The following PLEKHA5 variants were observed in gnomAD, a reference collection of about 807,000 sequenced individuals.
The protein encoded by PLEKHA5 is pleckstrin homology domain containing A5.
Under a neutral mutation model 181.9 loss-of-function variants are expected in PLEKHA5, and 55 were observed. The observed-to-expected ratio is 0.30, with a 90% confidence interval of 0.24 to 0.38. The LOEUF is 0.38. Among genes scored for constraint, PLEKHA5 ranks in the 10% least tolerant of loss-of-function variants. The pLI is 1.00. For synonymous variants in PLEKHA5, 535 were observed against 529.4 expected (o/e 1.01, Z -0.15); for missense variants, 1,432 against 1,549.5 (o/e 0.92, Z 1.27).
intron 15 of PLEKHA5, among the ~76,000 whole-genome samples, chr12:19,313,687 T>C (rs894234188): frequency 6.6e-6 from 1 of 152,238 alleles, no homozygotes; most frequent in African/African-American, 2.4e-5. Context: ...AAATTTTTAA[T>C]TGGGATATTG....
At chr12:19,222,465 C>T (rs1051853236) in intron 3 of PLEKHA5, among the ~76,000 whole-genome samples, 1 of 152,122 alleles carries the variant, frequency 6.6e-6, no homozygotes, top group Non-Finnish European at 1.5e-5. Context: ...GGACGCCTCA[C>T]ACTCACCATC....
intron 3 of PLEKHA5, among the ~76,000 whole-genome samples, chr12:19,228,049 C>A (rs2059932297): frequency 6.6e-6 from 1 of 152,174 alleles, no homozygotes; most frequent in South Asian, 2.1e-4. Flanking sequence ...GTGGTGGGTC[C>A]TTAGTATAAG....
intron 3 of PLEKHA5, among the ~76,000 whole-genome samples, chr12:19,247,009 A>G (rs1332818830): frequency 6.6e-6 from 1 of 152,112 alleles, no homozygotes; most frequent in Non-Finnish European, 1.5e-5. Flanking sequence ...TGAAATGTGC[A>G]CTTTATGCGT....
chr12:19,265,897 G>A, intron 8 of PLEKHA5, 47 bp downstream of exon 8: 5 of 970,506 alleles, frequency 5.2e-6, no homozygotes, highest in Non-Finnish European at 4.9e-6. Context: ...AACTTGCGTT[G>A]GTTAAAATGG....
intron 29 of PLEKHA5, among the ~76,000 whole-genome samples, chr12:19,365,309 T>A (rs2095392378): frequency 6.7e-6 from 1 of 149,072 alleles, no homozygotes; most frequent in Non-Finnish European, 1.5e-5. Context: ...GAGCTTGCAG[T>A]GAGCCTAGAT....
intron 3 of PLEKHA5, among the ~76,000 whole-genome samples, chr12:19,190,438 A>G (rs1041906926): frequency 1.3e-4 from 20 of 152,338 alleles, no homozygotes; most frequent in Middle Eastern, 3.4e-3. Context: ...GAAGGCTGAG[A>G]GATAACTGAT....
chr12:19,361,727 A>G, intron 29 of PLEKHA5, 21 bp downstream of exon 29: 1 of 1,583,900 alleles, frequency 6.3e-7, no homozygotes, highest in South Asian at 1.2e-5. Flanking sequence ...AGAAAAGCAA[A>G]GGAATCATTC....
chr12:19,263,123 A>C (rs1344791419), intron 7 of PLEKHA5, among the ~76,000 whole-genome samples: 1 of 152,206 alleles, frequency 6.6e-6, no homozygotes, highest in Non-Finnish European at 1.5e-5. Context: ...AAGAAATATT[A>C]GATTTTAAAT....
intron 28 of PLEKHA5, 95 bp downstream of exon 28, chr12:19,359,641 G>A: frequency 8.1e-7 from 1 of 1,231,754 alleles, no homozygotes; most frequent in Non-Finnish European, 1.2e-6. Context: ...GTTTCTTTCA[G>A]TCACAGAGTC....
At chr12:19,350,927 A>T in intron 25 of PLEKHA5, among the ~76,000 whole-genome samples, 1 of 145,040 alleles carries the variant, frequency 6.9e-6, no homozygotes. Context: ...TTTCTTTCTC[A>T]TCCTAATCCT....
chr12:19,190,218 A>G (rs376061766), intron 3 of PLEKHA5, among the ~76,000 whole-genome samples: 1 of 152,178 alleles, frequency 6.6e-6, no homozygotes, highest in East Asian at 1.9e-4. Flanking sequence ...TGGTAATTAT[A>G]TTTTCAGGGA....
intron 13 of PLEKHA5, among the ~76,000 whole-genome samples, chr12:19,289,691 A>T (rs977595492): frequency 7.9e-5 from 12 of 152,200 alleles, no homozygotes; most frequent in African/African-American, 2.9e-4. Flanking sequence ...TTTGGATCAC[A>T]GTCACCAATC....
At chr12:19,352,076 CA>C (rs1188985121) in intron 25 of PLEKHA5, among the ~76,000 whole-genome samples, 425 of 39,860 alleles carry the variant, frequency 0.011, 2 homozygotes, top group African/African-American at 0.023. Context: ...AACTCCATCT[CA>C]AAAAAAAAAA....
chr12:19,272,292 CAA>C (rs1472341156), intron 10 of PLEKHA5, among the ~76,000 whole-genome samples: 1 of 152,096 alleles, frequency 6.6e-6, no homozygotes, highest in African/African-American at 2.4e-5. Flanking sequence ...AATTAGATCA[CAA>C]GTTTTATATT....
At chr12:19,331,389 A>T (rs1468047675) in intron 20 of PLEKHA5, among the ~76,000 whole-genome samples, 1 of 152,130 alleles carries the variant, frequency 6.6e-6, no homozygotes, top group Non-Finnish European at 1.5e-5. Context: ...TTTTTTGTAG[A>T]GATGAGATCT....
chr12:19,255,681 T>A (rs2066680937), intron 5 of PLEKHA5, among the ~76,000 whole-genome samples: 1 of 151,674 alleles, frequency 6.6e-6, no homozygotes, highest in African/African-American at 2.4e-5. Context: ...GTAAAATAAA[T>A]CCAACAGGCT....
At chr12:19,279,046 A>G (rs1363307540) in intron 11 of PLEKHA5, among the ~76,000 whole-genome samples, 1 of 152,300 alleles carries the variant, frequency 6.6e-6, no homozygotes, top group Non-Finnish European at 1.5e-5. Context: ...TGATGAAATC[A>G]TCTTCTAGAT....
Position 19,345,864 on chromosome 12 carries a change from C to T in PLEKHA5, c.2685C>T (p.Phe895=). The T allele has an allele frequency of 6.7e-7, 1 of 1,489,450 alleles. No homozygotes were observed. Among genetic ancestry groups the T allele is most frequent in the South Asian group, 1.2e-5 (1 of 86,252 alleles). 92.3% of individuals were successfully genotyped at this position (1,489,450 alleles called of 1,614,324 possible). The change falls in exon 23 of 32, where the codon TTC becomes TTT. Residue 895 remains phenylalanine (F), a synonymous_variant. Coordinates refer to ENST00000429027, the MANE Select transcript of PLEKHA5 (RefSeq NM_001256470.2). The stretch of plus-strand genomic sequence containing the variant: ...CAGGTATGATAGGATCAAAGCCTTT[C>T]TCAACAGTTAAGTACAAAAATGAGG... The part of the protein sequence containing the change: ...TEIGMIGSKP[F]STVKYKNEEE...
At chr12:19,181,679 G>A (rs1184237815) in intron 3 of PLEKHA5, among the ~76,000 whole-genome samples, 2 of 152,162 alleles carry the variant, frequency 1.3e-5, no homozygotes, top group African/African-American at 4.8e-5. Context: ...GGGAGGCTGA[G>A]ACTCGAGAAG....
Sources: allele counts gnomAD v4.1 joint callset (sites outside exome capture counted in the v4.1 genomes callset), GRCh38; gene constraint gnomAD v4.1.1; transcripts MANE v1.5; gene names NCBI Gene and HGNC (gene_info 2026-07-23, HGNC 2026-07-21).